Variants in CMTM4 observed in about 807,000 individuals in gnomAD.
The protein encoded by CMTM4 is CKLF like MARVEL transmembrane domain containing 4, also known as CKLF-like MARVEL transmembrane domain-containing protein 4.
In CMTM4, 8 loss-of-function variants were observed where a neutral mutation model predicts 19.0. The observed-to-expected ratio is 0.42, with a 90% CI of 0.25 to 0.76. CMTM4 has a LOEUF of 0.76. CMTM4 is among the 30% of genes least tolerant of loss of function. The pLI, the probability that CMTM4 is intolerant of heterozygous loss-of-function variation, is 0.27. For synonymous variants in CMTM4, 106 were observed against 121.1 expected (o/e 0.88, Z 0.82); for missense variants, 228 against 290.2 (o/e 0.79, Z 1.56).
rs1002935641 is a variant in CMTM4, at chr16:66,617,459, C to T, written c.*4599G>A. ...AGGGAAAATACAATAGGACCCACTC[C>T]GCTTCAAGCTAAAGAGTGTACAAAA... On this transcript the variant is annotated 3_prime_UTR_variant, in exon 4 of 4. Coordinates refer to ENST00000394106, the MANE Select transcript of CMTM4 (RefSeq NM_181521.3). 1.0e-5 allele frequency: 15 copies of T among 1,499,144 alleles called. No homozygotes were observed. The highest frequency in any genetic ancestry group is 5.6e-5 in the African/African-American group (4 of 71,178). The allele number at this position is 1,499,144 out of a possible 1,614,324, so 92.9% of individuals were successfully genotyped here.
At chr16:66,673,258 A>T (rs2016747461) in intron 1 of CMTM4, among the ~76,000 whole-genome samples, 1 of 140,258 alleles carries the variant, frequency 7.1e-6, no homozygotes, top group Non-Finnish European at 1.5e-5. Context: ...TCCAGGCTGG[A>T]GTGCAGTGGC....
downstream of CMTM4, chr16:66,613,334 G>C (rs1456169451): frequency 1.8e-6 from 1 of 570,412 alleles, no homozygotes; most frequent in Non-Finnish European, 3.1e-6. Flanking sequence ...GACTGGTCCA[G>C]AAGACAGAGG....
the CMTM4 span, chr16:66,609,322 AG>A: frequency 1.2e-6 from 1 of 860,924 alleles, no homozygotes; most frequent in East Asian, 2.6e-5. This position sits in a 1 kb window ranked among gnomAD's most constrained non-coding sequence, Gnocchi z 4.4. Flanking sequence ...AGGATGGGAT[AG>A]GAGCCCTCAG....
intron 2 of CMTM4, among the ~76,000 whole-genome samples, chr16:66,630,317 C>T (rs1227205981): frequency 2.0e-5 from 2 of 100,010 alleles, no homozygotes; most frequent in Non-Finnish European, 2.0e-5. Context: ...TCACCCTCCC[C>T]CTCCCCCCTC....
At chr16:66,661,073 T>C (rs1213816923) in intron 1 of CMTM4, among the ~76,000 whole-genome samples, 1 of 152,138 alleles carries the variant, frequency 6.6e-6, no homozygotes, top group Non-Finnish European at 1.5e-5. Context: ...TATCCAAAGG[T>C]TGATAATTAA....
intron 1 of CMTM4, among the ~76,000 whole-genome samples, chr16:66,669,949 T>C (rs1388193188): frequency 3.3e-5 from 5 of 152,184 alleles, no homozygotes; most frequent in Non-Finnish European, 7.3e-5. Context: ...GCCTTAACTA[T>C]TTGTTTTAGA....
rs547281516 is a variant in CMTM4, at chr16:66,658,248, G to A, written c.187-21667C>T. On this transcript the variant is annotated intron_variant, in intron 1 of 3. Transcript: ENST00000394106. ...GGGAGGGAAGGAGGGAAGGAGGGAGGGAAGGAGAGAAGGAGGGAGGCAGGC... is the reference window on the plus strand; with the variant it reads ...GGGAGGGAAGGAGGGAAGGAGGGAGAGAAGGAGAGAAGGAGGGAGGCAGGC... Among the ~76,000 whole-genome samples the A allele has an allele frequency of 1.6e-4, 22 of 138,504 alleles. No homozygotes were observed. In the South Asian group the frequency reaches 6.0e-3, roughly 38 times the overall value. 90.9% of individuals were successfully genotyped at this position (138,504 alleles called of 152,430 possible).
chr16:66,599,129 A>G, the CMTM4 span, among the ~76,000 whole-genome samples: 1 of 151,938 alleles, frequency 6.6e-6, no homozygotes. Context: ...AAATTACCAA[A>G]AAAAAAAAAA....
At chr16:66,607,302 C>T in the CMTM4 span, among the ~76,000 whole-genome samples, 1 of 152,236 alleles carries the variant, frequency 6.6e-6, no homozygotes, top group Non-Finnish European at 1.5e-5. Context: ...CCACAGTGAA[C>T]ATTTTGATTC....
At chr16:66,682,197 G>C (rs1195381885) in intron 1 of CMTM4, among the ~76,000 whole-genome samples, 1 of 152,144 alleles carries the variant, frequency 6.6e-6, no homozygotes, top group Non-Finnish European at 1.5e-5. Context: ...TTTTAAAAAG[G>C]GGTGAATGAT....
At position 66,662,160 on chromosome 16, in the gene CMTM4, T is replaced by C. The variant is rs574917870; in HGVS notation, c.187-25579A>G. ...GGAATTCCAGTTCCAGTTAATGAAG[T>C]AGGTACACTCCAGCCTGTCTGTCCC... On this transcript the variant is annotated intron_variant, in intron 1 of 3. Transcript: ENST00000394106. Among the ~76,000 whole-genome samples the C allele has an allele frequency of 1.2e-4, 18 of 152,268 alleles. No individual in the cohort carries two copies. The South Asian group carries it at 2.9e-3, about 25-fold the overall frequency.
the CMTM4 span, among the ~76,000 whole-genome samples, chr16:66,602,309 A>G: frequency 1.3e-5 from 2 of 152,190 alleles, no homozygotes; most frequent in Middle Eastern, 6.8e-3. Context: ...AGGCATGAGA[A>G]TCCCTTGAAT....
At chr16:66,652,960 G>A (rs1166452306) in intron 1 of CMTM4, among the ~76,000 whole-genome samples, 1 of 152,142 alleles carries the variant, frequency 6.6e-6, no homozygotes, top group African/African-American at 2.4e-5. Flanking sequence ...CACATGTAGA[G>A]GACAGAGGAA....
chr16:66,662,260 G>C (rs898996282), intron 1 of CMTM4, among the ~76,000 whole-genome samples: 2 of 152,200 alleles, frequency 1.3e-5, no homozygotes, highest in Non-Finnish European at 2.9e-5. Context: ...AATCAAAGTA[G>C]GCAGATGGTG....
At chr16:66,675,585 G>T (rs1204894127) in intron 1 of CMTM4, among the ~76,000 whole-genome samples, 4 of 151,588 alleles carry the variant, frequency 2.6e-5, no homozygotes, top group Non-Finnish European at 5.9e-5. Flanking sequence ...GTCATTTCTT[G>T]TGGGCTTCAC....
At chr16:66,666,490 C>A (rs2016597152) in intron 1 of CMTM4, among the ~76,000 whole-genome samples, 1 of 152,060 alleles carries the variant, frequency 6.6e-6, no homozygotes, top group Non-Finnish European at 1.5e-5. Flanking sequence ...AGAAGACAAG[C>A]CACAGAGTTA....
chr16:66,696,291 C>T lies in CMTM4; in HGVS notation c.186+49G>A. 1.6e-6 allele frequency: 2 copies of T among 1,230,032 alleles called. No individual in the cohort carries two copies. The highest frequency in any genetic ancestry group is 2.4e-5 in the South Asian group (1 of 41,378). The allele number at this position is 1,230,032 out of a possible 1,614,324, so 76.2% of individuals were successfully genotyped here. ...CCCCGCAGCGGGGCGGGGAGGGAGGCGTGCGGCTAGGCCGCCCTCGGGCAC... is the reference window on the plus strand; with the variant it reads ...CCCCGCAGCGGGGCGGGGAGGGAGGTGTGCGGCTAGGCCGCCCTCGGGCAC... On this transcript the variant is annotated intron_variant, in intron 1 of 3. Transcript: ENST00000394106. The surrounding 1 kb of genome is among the most constrained non-coding windows in gnomAD (Gnocchi z 4.3).
chr16:66,651,076 T>TA (rs1246175198), intron 1 of CMTM4, among the ~76,000 whole-genome samples: 1 of 152,196 alleles, frequency 6.6e-6, no homozygotes, highest in African/African-American at 2.4e-5. Context: ...GGCTAGTTGT[T>TA]AACGGCTGCT....
the CMTM4 span, chr16:66,608,301 C>A: frequency 1.2e-6 from 2 of 1,613,846 alleles, no homozygotes; most frequent in Non-Finnish European, 1.7e-6. This position sits in a 1 kb window ranked among gnomAD's most constrained non-coding sequence, Gnocchi z 5.1. Context: ...CAAACTCCTT[C>A]CCCGCAGGGT....
Sources: allele counts gnomAD v4.1 joint callset (sites outside exome capture counted in the v4.1 genomes callset), GRCh38; gene constraint gnomAD v4.1.1; non-coding constraint Gnocchi (gnomAD v3.1); transcripts MANE v1.5; gene names NCBI Gene and HGNC (gene_info 2026-07-23, HGNC 2026-07-21).